TMEFF1: variants seen among roughly 807,000 people sequenced by gnomAD.
The protein encoded by TMEFF1 is tomoregulin-1.
A neutral mutation model predicts 47.5 loss-of-function variants in TMEFF1; 20 were observed. The ratio of observed to expected loss-of-function variants is 0.42; its 90% confidence interval spans 0.30 to 0.61. TMEFF1 has a LOEUF of 0.61. TMEFF1 is among the 20% of genes least tolerant of loss of function. TMEFF1 has a pLI of 0.19. For missense variants in TMEFF1, 411 were observed against 471.1 expected, an observed-to-expected ratio of 0.87 and a Z score of 1.18; for synonymous variants, 162 against 166.3, an observed-to-expected ratio of 0.97 and a Z score of 0.20.
chr9:100,529,177 C>T (rs1285266275), intron 5 of TMEFF1, among the ~76,000 whole-genome samples: 1 of 149,734 alleles, frequency 6.7e-6, no homozygotes, highest in South Asian at 2.1e-4. Flanking sequence ...GAAGAAACTG[C>T]ATCAACTAAC....
intron 5 of TMEFF1, among the ~76,000 whole-genome samples, chr9:100,531,170 C>T (rs1265683429): frequency 6.6e-6 from 1 of 152,252 alleles, no homozygotes; most frequent in Non-Finnish European, 1.5e-5. Context: ...CCTTTGAAAA[C>T]GGGCACAAGA....
At chr9:100,505,482 A>AATGTAG (rs1437298207) in intron 2 of TMEFF1, among the ~76,000 whole-genome samples, 6 of 151,550 alleles carry the variant, frequency 4.0e-5, no homozygotes, top group Non-Finnish European at 8.8e-5. Context: ...ATGAAACAAA[A>AATGTAG]ATGTAGATGT....
At chr9:100,502,734 G>A (rs957921014) in intron 2 of TMEFF1, among the ~76,000 whole-genome samples, 7 of 152,052 alleles carry the variant, frequency 4.6e-5, no homozygotes, top group Non-Finnish European at 1.0e-4. Context: ...CCTTTTTGAC[G>A]TTTTAAAAAA....
At chr9:100,527,439 G>A (rs572393897) in intron 5 of TMEFF1, among the ~76,000 whole-genome samples, 1 of 152,364 alleles carries the variant, frequency 6.6e-6, no homozygotes, top group South Asian at 2.1e-4. Context: ...AAGTGCAAGG[G>A]GTGAGGGATT....
chr9:100,518,639 A>G (rs1346801740), intron 5 of TMEFF1: 2 of 302,694 alleles, frequency 6.6e-6, no homozygotes, highest in Non-Finnish European at 9.7e-6. Flanking sequence ...TGATCCTTCT[A>G]TGGAAAGAGA....
At chr9:100,568,639 G>T (rs1839171730) in intron 8 of TMEFF1, among the ~76,000 whole-genome samples, 2 of 147,820 alleles carry the variant, frequency 1.4e-5, no homozygotes, top group South Asian at 4.3e-4. Context: ...TATGCACAGA[G>T]TTGTGCAACC....
chr9:100,521,671 A>G (rs1838162515), intron 5 of TMEFF1, among the ~76,000 whole-genome samples: 1 of 152,212 alleles, frequency 6.6e-6, no homozygotes, highest in African/African-American at 2.4e-5. Flanking sequence ...TCACTTCAGT[A>G]CCTTTTATAT....
intron 4 of TMEFF1, 120 bp downstream of exon 4, chr9:100,513,453 A>G (rs2118375659): frequency 8.7e-6 from 11 of 1,267,140 alleles, no homozygotes; most frequent in Non-Finnish European, 1.2e-5. Context: ...ATAATTTGCC[A>G]CTTGAAGTGT....
chr9:100,576,029 A>G (rs1051023854), intron 9 of TMEFF1, among the ~76,000 whole-genome samples: 13 of 152,146 alleles, frequency 8.5e-5, no homozygotes, highest in African/African-American at 2.9e-4. Context: ...ATTCCTATGT[A>G]TTCATAGCTG....
chr9:100,492,780 G>A (rs1329876014), intron 1 of TMEFF1, among the ~76,000 whole-genome samples: 1 of 152,046 alleles, frequency 6.6e-6, no homozygotes, highest in Non-Finnish European at 1.5e-5. Context: ...AAAAGCCACT[G>A]GATCTGAGGT....
chr9:100,568,898 A>G (rs1405640891), intron 8 of TMEFF1, among the ~76,000 whole-genome samples: 3 of 152,162 alleles, frequency 2.0e-5, no homozygotes, highest in African/African-American at 7.2e-5. Flanking sequence ...AACACATATC[A>G]GTACTTCATT....
intron 7 of TMEFF1, among the ~76,000 whole-genome samples, chr9:100,551,440 G>T (rs1047763577): frequency 1.3e-5 from 2 of 152,224 alleles, no homozygotes; most frequent in African/African-American, 2.4e-5. Context: ...AAAATTTCCT[G>T]TATTCTCGTA....
At chr9:100,570,569 C>CA (rs1426262919) in intron 8 of TMEFF1, among the ~76,000 whole-genome samples, 1 of 152,004 alleles carries the variant, frequency 6.6e-6, no homozygotes, top group Non-Finnish European at 1.5e-5. Context: ...GCACCCTTGT[C>CA]AAAACCAATT....
At chr9:100,474,895 G>A (rs1837193146) in intron 1 of TMEFF1, among the ~76,000 whole-genome samples, 2 of 152,146 alleles carry the variant, frequency 1.3e-5, no homozygotes, top group Non-Finnish European at 2.9e-5. Flanking sequence ...CATTTCTAAA[G>A]GGGTCCCAGA....
At chr9:100,489,622 G>A (rs1415076686) in intron 1 of TMEFF1, among the ~76,000 whole-genome samples, 1 of 152,126 alleles carries the variant, frequency 6.6e-6, no homozygotes, top group Non-Finnish European at 1.5e-5. Flanking sequence ...ATTCTACCGA[G>A]AGATAACTGT....
intron 2 of TMEFF1, among the ~76,000 whole-genome samples, chr9:100,507,973 C>A (rs1213753761): frequency 6.6e-6 from 1 of 152,014 alleles, no homozygotes; most frequent in Non-Finnish European, 1.5e-5. Context: ...TATGTTACCC[C>A]AAAGTAGAAC....
chr9:100,549,838 A>C (rs990776995), intron 6 of TMEFF1, among the ~76,000 whole-genome samples: 20 of 152,178 alleles, frequency 1.3e-4, no homozygotes, highest in African/African-American at 4.8e-4. Context: ...CATAGGAAAG[A>C]GTTTTTAAAG....
chr9:100,569,173 C>G (rs1174397136), intron 8 of TMEFF1, among the ~76,000 whole-genome samples: 1 of 152,164 alleles, frequency 6.6e-6, no homozygotes, highest in African/African-American at 2.4e-5. Context: ...AGTGGCTGCA[C>G]CATTTTACAC....
chr9:100,575,302 G>A (rs1213861576), intron 9 of TMEFF1, among the ~76,000 whole-genome samples: 1 of 151,900 alleles, frequency 6.6e-6, no homozygotes, highest in Non-Finnish European at 1.5e-5. Flanking sequence ...TCTTGGAATC[G>A]CCTTTCATAT....
Sources: gnomAD v4.1 joint callset for allele counts (sites outside exome capture counted in the v4.1 genomes callset) on GRCh38, gnomAD v4.1.1 for gene constraint, MANE v1.5 for transcripts, NCBI Gene and HGNC (gene_info 2026-07-23, HGNC 2026-07-21) for gene names.